EPHX1: variants seen among roughly 807,000 people sequenced by gnomAD.
EPHX1 encodes the protein epoxide hydrolase 1.
A neutral mutation model predicts 43.2 loss-of-function variants in EPHX1; 40 were observed. That is an observed-to-expected ratio of 0.93 (90% CI 0.72 to 1.21). EPHX1 has a LOEUF of 1.21. Ranked by LOEUF, EPHX1 falls within the 50% of genes most tolerant of loss-of-function variation. The pLI is 0.00. For synonymous variants in EPHX1, 221 were observed against 226.7 expected (o/e 0.98, Z 0.22); for missense variants, 550 against 570.4 (o/e 0.96, Z 0.36).
At chr1:225,844,988 AG>A (rs1668816546) in intron 8 of EPHX1, among the ~76,000 whole-genome samples, 157 bp from the exon 9 acceptor site, 4 of 152,218 alleles carry the variant, frequency 2.6e-5, no homozygotes, top group Admixed American at 2.6e-4. Context: ...GCCCTCAGTG[AG>A]GGGAGAGCGG....
chr1:225,838,711 C>G lies in EPHX1; in HGVS notation c.422C>G (p.Pro141Arg). Residue 141 changes from proline to arginine, a missense_variant, in exon 4 of 9, where the codon CCG becomes CGG. Physicochemically the swap from Pro to Arg is moderately radical, Grantham distance 103. Coordinates refer to ENST00000272167, the MANE Select transcript of EPHX1 (RefSeq NM_001136018.4). ...KPPQLPAGHT[P>R]KPLLMVHGWP... ...CCCCAGCTGCCCGCAGGCCATACCC[C>G]GAAGCCCTTGCTGATGGTGCACGGC... 6.2e-7 allele frequency: 1 copy of G among 1,614,126 alleles called. No individual in the cohort carries two copies. Among genetic ancestry groups the G allele is most frequent in the Non-Finnish European group, 8.5e-7 (1 of 1,180,012 alleles).
chr1:225,818,102 C>G (rs1316218625), intron 1 of EPHX1, among the ~76,000 whole-genome samples: 1 of 152,208 alleles, frequency 6.6e-6, no homozygotes, highest in Admixed American at 6.5e-5. Flanking sequence ...GCCACCTACT[C>G]AGCCCTCTTC....
At chr1:225,842,343 C>T in intron 6 of EPHX1, 23 bp from the exon 7 acceptor site, 1 of 1,543,460 alleles carries the variant, frequency 6.5e-7, no homozygotes, top group Non-Finnish European at 9.0e-7. Flanking sequence ...TGAGTCTCTC[C>T]CTTGCTCCCC....
chr1:225,812,925 A>G (rs2102673933), intron 1 of EPHX1, among the ~76,000 whole-genome samples: 1 of 152,328 alleles, frequency 6.6e-6, no homozygotes, highest in Non-Finnish European at 1.5e-5. Context: ...ACAGCAATTC[A>G]TTCCTTTGAG....
intron 1 of EPHX1, among the ~76,000 whole-genome samples, chr1:225,828,169 C>A (rs1051208852): frequency 2.0e-5 from 3 of 152,146 alleles, no homozygotes; most frequent in African/African-American, 7.2e-5. Flanking sequence ...CATGGTGAAA[C>A]CCCATCTCTA....
intron 6 of EPHX1, among the ~76,000 whole-genome samples, 180 bp from the exon 7 acceptor site, chr1:225,842,186 C>T (rs958922695): frequency 6.6e-6 from 1 of 152,178 alleles, no homozygotes; most frequent in African/African-American, 2.4e-5. Flanking sequence ...ATGAGGATGC[C>T]GAGGCAGAGT....
intron 3 of EPHX1, among the ~76,000 whole-genome samples, chr1:225,834,618 GA>G (rs1667857700): frequency 1.4e-5 from 2 of 146,394 alleles, no homozygotes; most frequent in South Asian, 2.2e-4. Flanking sequence ...AATCTGGAAT[GA>G]TTTTTTGGAT....
chr1:225,835,336 A>C (rs1326721223), intron 3 of EPHX1, among the ~76,000 whole-genome samples: 1 of 148,984 alleles, frequency 6.7e-6, no homozygotes, highest in East Asian at 2.0e-4. Context: ...CTCCCACCTC[A>C]GCCTCTCAAG....
chr1:225,831,670 G>T lies in EPHX1; in HGVS notation c.184-109G>T, dbSNP rs3817268. On this transcript the variant is annotated intron_variant, in intron 2 of 8. Transcript: ENST00000272167. ...GGAAACTGCCTTGCCACTCCCAGAG[G>T]GCAGTATCTTGTGGCTGCAGGGTTT... 257,277 of 1,059,036 alleles carry T rather than the reference G, an allele frequency of 0.24. 32,014 individuals are homozygous for T. Among genetic ancestry groups the T allele is most frequent in the Middle Eastern group, 0.26 (887 of 3,418 alleles). 65.6% of individuals were successfully genotyped at this position (1,059,036 alleles called of 1,614,324 possible). A position where few individuals can be genotyped will look rare whatever the true frequency, so the allele number is the denominator to read the frequency against.
chr1:225,819,965 C>T (rs201227897), intron 1 of EPHX1, among the ~76,000 whole-genome samples: 2 of 152,172 alleles, frequency 1.3e-5, no homozygotes, highest in African/African-American at 4.8e-5. Context: ...AATCTGATGG[C>T]GTATTTGCCG....
At chr1:225,813,689 A>T (rs1312538610) in intron 1 of EPHX1, among the ~76,000 whole-genome samples, 2 of 152,246 alleles carry the variant, frequency 1.3e-5, no homozygotes, top group Non-Finnish European at 2.9e-5. Flanking sequence ...TGACTGCCAC[A>T]GCCTGACCTA....
chr1:225,839,840 G>C lies in EPHX1; in HGVS notation c.734G>C (p.Gly245Ala). The change falls in exon 6 of 9, where the codon GGC becomes GCC. Residue 245 changes from glycine (G) to alanine (A), a missense_variant. Transcript: ENST00000272167. ...MAQLVPSHVK[G>A]LHLNMALVLS... ...CTCTCTGCCTTCAGCCACGTGAAAG[G>C]CCTGCACTTGAACATGGCTTTGGTT... is the stretch of plus-strand genomic sequence containing the variant. 2 of 1,613,952 alleles carry C rather than the reference G, an allele frequency of 1.2e-6. No individual in the cohort carries two copies. Among genetic ancestry groups the C allele is most frequent in the South Asian group, 1.1e-5 (1 of 91,070 alleles).
At chr1:225,842,065 A>G (rs1668473074) in intron 6 of EPHX1, among the ~76,000 whole-genome samples, 1 of 152,228 alleles carries the variant, frequency 6.6e-6, no homozygotes, top group Non-Finnish European at 1.5e-5. Context: ...AGCACTTCTC[A>G]TTGGGACCCC....
chr1:225,814,669 G>A (rs949790197), intron 1 of EPHX1, among the ~76,000 whole-genome samples: 12 of 152,242 alleles, frequency 7.9e-5, no homozygotes, highest in African/African-American at 2.7e-4. Flanking sequence ...GAGCCATGCC[G>A]TGAGAGGCCA....
intron 1 of EPHX1, among the ~76,000 whole-genome samples, chr1:225,812,711 G>C (rs1398075639): frequency 1.3e-5 from 2 of 152,210 alleles, no homozygotes; most frequent in Non-Finnish European, 2.9e-5. Flanking sequence ...CTTACGCCAA[G>C]AGGTTCAACC....
intron 1 of EPHX1, among the ~76,000 whole-genome samples, chr1:225,819,347 A>G (rs979503838): frequency 2.6e-5 from 4 of 151,910 alleles, no homozygotes; most frequent in Non-Finnish European, 5.9e-5. Flanking sequence ...GGTTGCAGTG[A>G]GCCGAGATCG....
chr1:225,814,334 G>C (rs1280790143), intron 1 of EPHX1, among the ~76,000 whole-genome samples: 1 of 152,196 alleles, frequency 6.6e-6, no homozygotes, highest in Non-Finnish European at 1.5e-5. Flanking sequence ...AAGAGTTCAA[G>C]ACCACCCTGG....
chr1:225,828,969 CAG>C lies in EPHX1; in HGVS notation c.183+58_183+59del. The C allele has an allele frequency of 5.2e-6, 8 of 1,545,784 alleles. No homozygotes were observed. In the South Asian group the frequency reaches 7.1e-5, roughly 14 times the overall value. On this transcript the variant is annotated intron_variant, in intron 2 of 8. Coordinates refer to ENST00000272167, the MANE Select transcript of EPHX1 (RefSeq NM_001136018.4). ...AGTGGAGAGGGTGGTGTGTCGAAGACAGGGGTTGGGTCTTAGGCCAGATGCGG... is the reference window on the plus strand; with the variant it reads ...AGTGGAGAGGGTGGTGTGTCGAAGACGGGTTGGGTCTTAGGCCAGATGCGG...
intron 3 of EPHX1, among the ~76,000 whole-genome samples, chr1:225,833,139 G>A (rs1022229443): frequency 3.3e-5 from 5 of 152,122 alleles, no homozygotes; most frequent in African/African-American, 7.2e-5. Flanking sequence ...TACTATAGGC[G>A]AGCACCACTG....
Sources: allele counts gnomAD v4.1 joint callset (sites outside exome capture counted in the v4.1 genomes callset), GRCh38; gene constraint gnomAD v4.1.1; transcripts MANE v1.5; gene names NCBI Gene and HGNC (gene_info 2026-07-23, HGNC 2026-07-21).